The following FMN1 variants were observed in gnomAD, a reference collection of about 807,000 sequenced individuals.
FMN1 encodes the protein formin 1.
Under a neutral mutation model 132.4 loss-of-function variants are expected in FMN1, and 110 were observed. That is an observed-to-expected ratio of 0.83 (90% CI 0.71 to 0.97). The LOEUF (loss-of-function observed/expected upper bound fraction) is 0.97, where lower values mean the gene tolerates loss of function less well. Among genes scored for constraint, FMN1 ranks in the 50% least tolerant of loss-of-function variants. The pLI, the probability that FMN1 is intolerant of heterozygous loss-of-function variation, is 0.00. For missense variants in FMN1, 1,792 were observed against 1,705.3 expected (o/e 1.05, Z -0.90); for synonymous variants, 722 against 651.7 (o/e 1.11, Z -1.64).
chr15:32,818,965 G>A (rs1302035672), intron 17 of FMN1, among the ~76,000 whole-genome samples: 1 of 150,822 alleles, frequency 6.6e-6, no homozygotes, highest in Non-Finnish European at 1.5e-5. Context: ...CCAGAGGCTT[G>A]AAATGTTTTA....
intron 19 of FMN1, among the ~76,000 whole-genome samples, chr15:32,784,414 AAAAACAAAACAAAAC>A (rs143041498): frequency 1.0e-4 from 15 of 150,218 alleles, no homozygotes; most frequent in African/African-American, 2.7e-4. Context: ...TCCTAGGGGG[AAAAACAAAACAAAAC>A]AAAACAAAAC....
At chr15:33,066,524 G>C in intron 5 of FMN1, 2 of 1,553,928 alleles carry the variant, frequency 1.3e-6, no homozygotes, top group Non-Finnish European at 1.7e-6. Flanking sequence ...TTTGGAATCA[G>C]AGGGGCCATC....
At chr15:32,942,933 C>T (rs2061430738) in intron 9 of FMN1, among the ~76,000 whole-genome samples, 1 of 152,032 alleles carries the variant, frequency 6.6e-6, no homozygotes. Flanking sequence ...ATGTAGAAAC[C>T]ATATATATAT....
At chr15:33,131,001 G>C (rs1387601354) in intron 4 of FMN1, among the ~76,000 whole-genome samples, 2 of 152,094 alleles carry the variant, frequency 1.3e-5, no homozygotes, top group Non-Finnish European at 2.9e-5. Flanking sequence ...GAATCAGATA[G>C]AATAATGTCT....
chr15:32,769,511 T>C lies in FMN1; in HGVS notation c.*4799A>G, dbSNP rs1231202198. On this transcript the variant is annotated 3_prime_UTR_variant, in exon 21 of 21. Transcript: ENST00000616417. ...GGTTATGCCTGGATTCAATTGCTAA[T>C]GGAGAGATGAATATCATTATGTAAG... 1.3e-5 allele frequency: 2 copies of C among 152,246 alleles called. No homozygotes were observed. Among genetic ancestry groups the C allele is most frequent in the African/African-American group, 4.8e-5 (2 of 41,472 alleles). The allele number at this position is 152,246 out of a possible 1,614,324, so 9.4% of individuals were successfully genotyped here.
intron 5 of FMN1, among the ~76,000 whole-genome samples, chr15:33,074,501 T>C (rs909551150): frequency 2.6e-5 from 4 of 152,342 alleles, no homozygotes; most frequent in African/African-American, 9.6e-5. Flanking sequence ...AAGGGCTTTT[T>C]TCTCTGTTGA....
intron 4 of FMN1, among the ~76,000 whole-genome samples, chr15:33,127,874 G>A (rs1963251983): frequency 1.3e-5 from 2 of 152,184 alleles, no homozygotes; most frequent in African/African-American, 4.8e-5. Flanking sequence ...TGCTGTTTCC[G>A]AGGAATCTTA....
At chr15:33,026,396 A>C (rs1011762323) in intron 6 of FMN1, among the ~76,000 whole-genome samples, 25 of 134,268 alleles carry the variant, frequency 1.9e-4, no homozygotes, top group African/African-American at 7.1e-4. Context: ...ACATTAGAGG[A>C]TACGTCCAAA....
At chr15:33,142,084 C>T (rs1251532122) in intron 4 of FMN1, among the ~76,000 whole-genome samples, 3 of 152,176 alleles carry the variant, frequency 2.0e-5, no homozygotes, top group African/African-American at 7.2e-5. Context: ...GTAATCTAAT[C>T]TGTCAATAAT....
chr15:33,174,500 A>G (rs1965445051), intron 3 of FMN1, among the ~76,000 whole-genome samples: 1 of 152,236 alleles, frequency 6.6e-6, no homozygotes, highest in Non-Finnish European at 1.5e-5. Context: ...GAAAAGGCAA[A>G]GAATGTTTGC....
chr15:32,996,087 A>C (rs16962802), intron 7 of FMN1, among the ~76,000 whole-genome samples: 1 of 152,174 alleles, frequency 6.6e-6, no homozygotes, highest in African/African-American at 2.4e-5. Context: ...AATAAACACA[A>C]TAGTTATGAT....
intron 3 of FMN1, among the ~76,000 whole-genome samples, chr15:33,160,879 A>T (rs184932703): frequency 1.3e-5 from 2 of 152,322 alleles, no homozygotes; most frequent in South Asian, 2.1e-4. Context: ...TTCTTTTTCC[A>T]ATAAACAAGT....
intron 4 of FMN1, among the ~76,000 whole-genome samples, chr15:33,118,259 A>AT (rs1245026330): frequency 6.6e-6 from 1 of 152,136 alleles, no homozygotes; most frequent in Non-Finnish European, 1.5e-5. Context: ...ATCGTAAGAG[A>AT]TTTTCTCATT....
intron 19 of FMN1, among the ~76,000 whole-genome samples, chr15:32,784,844 T>A (rs1325783124): frequency 6.6e-6 from 1 of 152,188 alleles, no homozygotes; most frequent in Non-Finnish European, 1.5e-5. Context: ...ATTTATGGTC[T>A]TTTCTGGAAT....
intron 7 of FMN1, among the ~76,000 whole-genome samples, chr15:32,979,811 T>C (rs1188066207): frequency 1.3e-5 from 2 of 152,208 alleles, no homozygotes; most frequent in Admixed American, 6.5e-5. Flanking sequence ...TTGTGTTCAC[T>C]GTATCCCATG....
rs1237906599 is a variant in FMN1, at chr15:32,964,095, A to C, written c.3138+12T>G. 6.2e-7 allele frequency: 1 copy of C among 1,603,018 alleles called. No homozygotes were observed. Among genetic ancestry groups the C allele is most frequent in the African/African-American group, 1.3e-5 (1 of 74,270 alleles). On this transcript the variant is annotated intron_variant, in intron 9 of 20. Coordinates refer to ENST00000616417, the MANE Select transcript of FMN1 (RefSeq NM_001277313.2). ...AATATATAATTACAGCTTTGCCATA[A>C]TCACTCAGTACCTTTTTGACCTTGT...
intron 17 of FMN1, among the ~76,000 whole-genome samples, chr15:32,841,668 G>A (rs2058748213): frequency 6.6e-6 from 1 of 152,110 alleles, no homozygotes; most frequent in Non-Finnish European, 1.5e-5. Flanking sequence ...TTGTGGAACT[G>A]GGTTCGTGAG....
intron 4 of FMN1, 141 bp downstream of exon 4, chr15:33,152,907 C>T (rs555159894): frequency 4.9e-6 from 4 of 815,946 alleles, no homozygotes; most frequent in East Asian, 2.7e-5. Context: ...TTCCACTCCC[C>T]GTTTTCTTGC....
intron 4 of FMN1, among the ~76,000 whole-genome samples, chr15:33,097,743 A>G (rs182947599): frequency 6.6e-4 from 101 of 152,336 alleles, no homozygotes; most frequent in African/African-American, 2.2e-3. Flanking sequence ...CCTCGCATTA[A>G]TAACAGAACT....
Sources: gnomAD v4.1 joint callset for allele counts (sites outside exome capture counted in the v4.1 genomes callset) on GRCh38, gnomAD v4.1.1 for gene constraint, MANE v1.5 for transcripts, NCBI Gene and HGNC (gene_info 2026-07-23, HGNC 2026-07-21) for gene names.